The following PUM1 variants were observed in gnomAD, a reference collection of about 807,000 sequenced individuals.
The protein encoded by PUM1 is pumilio RNA binding family member 1.
PUM1 carries 13 observed loss-of-function variants against 131.8 expected under a neutral mutation model. That is an observed-to-expected ratio of 0.10 (90% CI 0.06 to 0.16). The LOEUF is 0.16. PUM1 is among the 10% of genes least tolerant of loss of function. PUM1 has a pLI of 1.00. For synonymous variants in PUM1, 509 were observed against 556.5 expected (o/e 0.91, Z 1.20); for missense variants, 961 against 1,512.4 (o/e 0.64, Z 6.05).
intron 2 of PUM1, among the ~76,000 whole-genome samples, chr1:31,034,108 A>G (rs967765616): frequency 5.3e-5 from 8 of 152,248 alleles, no homozygotes; most frequent in African/African-American, 1.4e-4. Context: ...ACATTATGTT[A>G]AACCATGCAT....
chr1:31,008,550 G>GC (rs966227542), intron 3 of PUM1, among the ~76,000 whole-genome samples: 2 of 152,124 alleles, frequency 1.3e-5, no homozygotes, highest in Non-Finnish European at 2.9e-5. Context: ...ATGGGAAAGA[G>GC]CCCCGATCGA....
Position 30,941,131 on chromosome 1 carries a change from T to A in PUM1, c.3242+20A>T. On this transcript the variant is annotated intron_variant, in intron 20 of 21. Coordinates refer to ENST00000426105, the MANE Select transcript of PUM1 (RefSeq NM_001020658.2). ...AATCCTCTCTTCTGGGAAATAGTCC[T>A]TGTAACTCAAAGCACGTACCTTGCA... 1 of 1,605,276 alleles carries A rather than the reference T, an allele frequency of 6.2e-7. No individual in the cohort carries two copies. The highest frequency in any genetic ancestry group is 1.1e-5 in the South Asian group (1 of 90,108).
intron 2 of PUM1, among the ~76,000 whole-genome samples, chr1:31,044,704 T>A (rs1643911577): frequency 6.6e-6 from 1 of 151,990 alleles, no homozygotes; most frequent in Non-Finnish European, 1.5e-5. Flanking sequence ...TAAGATGGAG[T>A]CTTGCTCTTG....
intron 21 of PUM1, among the ~76,000 whole-genome samples, chr1:30,934,352 T>C (rs1181564158): frequency 1.3e-5 from 2 of 152,200 alleles, no homozygotes; most frequent in African/African-American, 4.8e-5. Flanking sequence ...CCTGCATACA[T>C]AAACGCACTG....
At chr1:30,953,298 T>C (rs992231300) in intron 15 of PUM1, among the ~76,000 whole-genome samples, 10 of 152,212 alleles carry the variant, frequency 6.6e-5, no homozygotes, top group Non-Finnish European at 1.3e-4. Flanking sequence ...CAGATTCGCT[T>C]TCTGTGAAGC....
At chr1:30,945,506 C>T (rs1481874122) in intron 17 of PUM1, 23 bp from the exon 18 acceptor site, 1 of 1,613,280 alleles carries the variant, frequency 6.2e-7, no homozygotes, top group African/African-American at 1.3e-5. Flanking sequence ...AAGAAAGCAC[C>T]ACCAGAATCA....
At chr1:31,057,718 C>T (rs746023694) in intron 2 of PUM1, among the ~76,000 whole-genome samples, 9 of 106,834 alleles carry the variant, frequency 8.4e-5, no homozygotes, top group Non-Finnish European at 1.5e-4. Flanking sequence ...GAGCGAGACT[C>T]CATCTCAAAA....
At chr1:31,007,468 T>G (rs1642435576) in intron 3 of PUM1, among the ~76,000 whole-genome samples, 1 of 152,124 alleles carries the variant, frequency 6.6e-6, no homozygotes, top group Admixed American at 6.5e-5. Flanking sequence ...AAAGAAAGTA[T>G]TTACAACTAT....
rs185679859 is a variant in PUM1, at chr1:30,964,311, G to A, written c.2323+363C>T. ...GAAATAAGGCAAAATATTAATTGTG[G>A]TGGTATTTCAGGTGGTGATACTAGG... On this transcript the variant is annotated intron_variant, in intron 14 of 21. Transcript: ENST00000426105. Among the ~76,000 whole-genome samples the A allele has an allele frequency of 5.5e-4, 84 of 152,244 alleles. 1 individual carries two copies. The Middle Eastern group carries it at 0.048, about 86-fold the overall frequency.
chr1:31,003,718 T>C (rs1642300171), intron 5 of PUM1, among the ~76,000 whole-genome samples: 1 of 152,052 alleles, frequency 6.6e-6, no homozygotes, highest in African/African-American at 2.4e-5. Context: ...GATCATGCCA[T>C]TGCACTCCAG....
At position 31,059,284 on chromosome 1, in the gene PUM1, C is replaced by T; in HGVS notation, c.283G>A (p.Gly95Arg). The T allele has an allele frequency of 1.2e-6, 2 of 1,614,166 alleles. No individual in the cohort carries two copies. Among genetic ancestry groups the T allele is most frequent in the Non-Finnish European group, 8.5e-7 (1 of 1,180,030 alleles). Residue 95 changes from glycine to arginine, a missense_variant, in exon 2 of 22, where the codon GGA becomes AGA. Transcript: ENST00000426105. ...FQRQHGEQLG[G>R]GGSGGGGYNN... ...TAGCCGCCTCCTCCACTTCCTCCTC[C>T]CCCAAGCTGCTCACCATGCTGCCTC...
At chr1:31,049,968 C>G (rs898450428) in intron 2 of PUM1, among the ~76,000 whole-genome samples, 22 of 151,050 alleles carry the variant, frequency 1.5e-4, no homozygotes, top group African/African-American at 5.1e-4. Flanking sequence ...TAGCTGGGAC[C>G]ACAGGCACCC....
chr1:30,950,563 C>T (rs149753698), intron 16 of PUM1, among the ~76,000 whole-genome samples: 2,797 of 152,320 alleles, frequency 0.018, 47 homozygotes, highest in Non-Finnish European at 0.027. Context: ...TTAATTCATA[C>T]TATTAAATGA....
chr1:30,992,795 A>T, intron 6 of PUM1, 135 bp from the exon 7 acceptor site: 1 of 778,032 alleles, frequency 1.3e-6, no homozygotes, highest in South Asian at 1.9e-5. Context: ...AAATAACCAG[A>T]GATACTTTAC....
chr1:30,945,929 G>A (rs1639647655), intron 17 of PUM1, among the ~76,000 whole-genome samples: 2 of 152,044 alleles, frequency 1.3e-5, no homozygotes, highest in South Asian at 4.2e-4. Flanking sequence ...GGGATTACAG[G>A]TGTGTACCAC....
chr1:30,975,769 C>T (rs1275351225), intron 9 of PUM1, among the ~76,000 whole-genome samples: 1 of 151,952 alleles, frequency 6.6e-6, no homozygotes, highest in Non-Finnish European at 1.5e-5. Context: ...AAAAATACAA[C>T]ACCTTGACTT....
At chr1:31,007,256 A>G (rs1382195024) in intron 3 of PUM1, among the ~76,000 whole-genome samples, 154 bp from the exon 4 acceptor site, 1 of 152,184 alleles carries the variant, frequency 6.6e-6, no homozygotes, top group African/African-American at 2.4e-5. Flanking sequence ...TGGTCAGAAC[A>G]CTGCTATATA....
At chr1:31,024,347 A>G (rs187408820) in intron 3 of PUM1, among the ~76,000 whole-genome samples, 1 of 152,208 alleles carries the variant, frequency 6.6e-6, no homozygotes, top group Admixed American at 6.5e-5. Flanking sequence ...CCTATGGATC[A>G]AGTACTATAT....
intron 3 of PUM1, among the ~76,000 whole-genome samples, chr1:31,010,838 G>C (rs1448317066): frequency 6.6e-6 from 1 of 152,138 alleles, no homozygotes; most frequent in African/African-American, 2.4e-5. Context: ...GTCATGCCTA[G>C]GTTCCTAACC....
Sources: allele counts gnomAD v4.1 joint callset (sites outside exome capture counted in the v4.1 genomes callset), GRCh38; gene constraint gnomAD v4.1.1; transcripts MANE v1.5; gene names NCBI Gene and HGNC (gene_info 2026-07-23, HGNC 2026-07-21).